Variants in MALRD1 observed in about 807,000 individuals in gnomAD.
MALRD1 encodes MAM and LDL-receptor class A domain-containing protein 1.
A neutral mutation model predicts 242.1 loss-of-function variants in MALRD1; 247 were observed. The observed-to-expected ratio is 1.02, with a 90% CI of 0.92 to 1.13. MALRD1 has a LOEUF of 1.13. MALRD1 is among the 50% of genes most tolerant of loss of function. The pLI, the probability that MALRD1 is intolerant of heterozygous loss-of-function variation, is 0.00. For synonymous variants in MALRD1, 995 were observed against 866.6 expected (o/e 1.15, Z -2.60); for missense variants, 2,989 against 2,533.1 (o/e 1.18, Z -3.86).
At chr10:19,157,567 T>G (rs897731528) in intron 12 of MALRD1, among the ~76,000 whole-genome samples, 2 of 152,092 alleles carry the variant, frequency 1.3e-5, no homozygotes, top group African/African-American at 2.4e-5. Context: ...TACATAAAAG[T>G]TACAGAATAA....
intron 16 of MALRD1, among the ~76,000 whole-genome samples, 160 bp downstream of exon 16, chr10:19,204,573 G>T (rs993699122): frequency 6.6e-6 from 1 of 152,010 alleles, no homozygotes; most frequent in Admixed American, 6.6e-5. Context: ...TTTTACCTAG[G>T]AGCGTGTTCT....
chr10:19,692,479 T>A lies in MALRD1; in HGVS notation c.6239T>A (p.Ile2080Asn). Reference sequence around the variant, plus strand: ...CCAGATACATGGACTCTCCTGGGTATTGGATTAGCATTCCTGATGACTCAC... The same window carrying A: ...CCAGATACATGGACTCTCCTGGGTAATGGATTAGCATTCCTGATGACTCAC... ...AQNNTWTLLG[I>N]GLAFLMTHIT... Residue 2080 changes from isoleucine (I) to asparagine (N), a missense_variant, in exon 38 of 40, where the codon ATT becomes AAT. Ile to Asn is a moderately radical substitution (Grantham distance 149). Coordinates refer to ENST00000454679, the MANE Select transcript of MALRD1 (RefSeq NM_001142308.3). 1 of 1,535,940 alleles carries A rather than the reference T, an allele frequency of 6.5e-7. No individual in the cohort carries two copies. The highest frequency in any genetic ancestry group is 8.7e-7 in the Non-Finnish European group (1 of 1,146,576).
chr10:19,467,230 C>T (rs1836259494), intron 29 of MALRD1, among the ~76,000 whole-genome samples: 1 of 48,812 alleles, frequency 2.0e-5, no homozygotes, highest in African/African-American at 5.8e-5. Context: ...TGGTGGGCGC[C>T]TGTAGTCTCA....
intron 2 of MALRD1, among the ~76,000 whole-genome samples, chr10:19,074,528 G>C (rs907251002): frequency 2.0e-5 from 3 of 151,960 alleles, no homozygotes; most frequent in African/African-American, 7.2e-5. Context: ...TAATATATTT[G>C]TTCTATTTTT....
chr10:19,716,189 A>T (rs1011762048), intron 38 of MALRD1, among the ~76,000 whole-genome samples: 31 of 152,336 alleles, frequency 2.0e-4, no homozygotes, highest in African/African-American at 7.2e-4. Flanking sequence ...TCACACAGAT[A>T]CGTATTTTTT....
At chr10:19,434,765 A>G (rs966820052) in intron 28 of MALRD1, among the ~76,000 whole-genome samples, 1 of 151,988 alleles carries the variant, frequency 6.6e-6, no homozygotes, top group Non-Finnish European at 1.5e-5. Flanking sequence ...CTGGGTCTTC[A>G]TGGCAGTGAT....
At chr10:19,480,761 T>A (rs1000745039) in intron 29 of MALRD1, among the ~76,000 whole-genome samples, 10 of 152,024 alleles carry the variant, frequency 6.6e-5, no homozygotes, top group Non-Finnish European at 1.5e-5. Flanking sequence ...CAGTTCTGAG[T>A]TTTTGTTCTT....
At chr10:19,681,662 G>T (rs1174515142) in intron 36 of MALRD1, among the ~76,000 whole-genome samples, 2 of 152,080 alleles carry the variant, frequency 1.3e-5, no homozygotes, top group African/African-American at 4.8e-5. Context: ...ACTTCTGTCA[G>T]TTCATCCATC....
At chr10:19,366,510 G>T (rs540710200) in intron 26 of MALRD1, among the ~76,000 whole-genome samples, 31 of 152,214 alleles carry the variant, frequency 2.0e-4, no homozygotes, top group African/African-American at 7.2e-4. Flanking sequence ...CCAGTCTGTG[G>T]CCCAGGGTTT....
chr10:19,246,459 G>T (rs1839050753), intron 18 of MALRD1, among the ~76,000 whole-genome samples: 1 of 152,114 alleles, frequency 6.6e-6, no homozygotes, highest in African/African-American at 2.4e-5. Flanking sequence ...GCTGTAAAAT[G>T]CCTGGGCATG....
At chr10:19,688,388 T>A (rs889886791) in intron 36 of MALRD1, among the ~76,000 whole-genome samples, 9 of 152,072 alleles carry the variant, frequency 5.9e-5, no homozygotes, top group African/African-American at 2.2e-4. Context: ...TTAGTCTCCT[T>A]GGTAATTAGG....
chr10:19,519,113 ATACT>A (rs1453065325), intron 31 of MALRD1, among the ~76,000 whole-genome samples: 4 of 151,538 alleles, frequency 2.6e-5, no homozygotes, highest in Non-Finnish European at 4.4e-5. Context: ...AAAAATGTAT[ATACT>A]TGTTCTAATT....
At chr10:19,559,435 G>A (rs1835866446) in intron 32 of MALRD1, among the ~76,000 whole-genome samples, 1 of 151,924 alleles carries the variant, frequency 6.6e-6, no homozygotes, top group Non-Finnish European at 1.5e-5. Context: ...TCTAAGCACT[G>A]CTTCACTTCA....
chr10:19,360,188 C>A (rs1214847957), intron 26 of MALRD1, among the ~76,000 whole-genome samples: 5 of 151,964 alleles, frequency 3.3e-5, no homozygotes, highest in Non-Finnish European at 7.4e-5. Flanking sequence ...AGGGGGTATA[C>A]TTTGTTTAAA....
Position 19,491,619 on chromosome 10 carries a change from CT to C in MALRD1, c.5133del (p.Asp1712IlefsTer54). ...CTTTGTGACTATAAGCCAGACTGCTCTGATAGGTCTGATGAAGCTCACTGTG... is the reference window on the plus strand; with the variant it reads ...CTTTGTGACTATAAGCCAGACTGCTCGATAGGTCTGATGAAGCTCACTGTG... ...HLLCDYKPDC[S>X]DRSDEAHCAH... On this transcript the variant is annotated frameshift_variant, in exon 30 of 40. Transcript: ENST00000454679. LOFTEE classifies it high-confidence loss of function. The C allele has an allele frequency of 6.5e-7, 1 of 1,549,770 alleles. No homozygotes were observed. Among genetic ancestry groups the C allele is most frequent in the Non-Finnish European group, 8.7e-7 (1 of 1,146,748 alleles).
chr10:19,224,885 TG>T (rs1837724949), intron 18 of MALRD1, among the ~76,000 whole-genome samples: 1 of 152,194 alleles, frequency 6.6e-6, no homozygotes, highest in African/African-American at 2.4e-5. Flanking sequence ...CCACTGCTTT[TG>T]GTGTTTTAGT....
intron 34 of MALRD1, among the ~76,000 whole-genome samples, chr10:19,597,156 A>C (rs1838138445): frequency 6.6e-6 from 1 of 152,176 alleles, no homozygotes; most frequent in Non-Finnish European, 1.5e-5. Flanking sequence ...AGGTCTTCTA[A>C]TCTTTTCTTA....
intron 32 of MALRD1, among the ~76,000 whole-genome samples, chr10:19,561,170 C>T (rs1564441704): frequency 6.6e-6 from 1 of 151,940 alleles, no homozygotes; most frequent in Non-Finnish European, 1.5e-5. Context: ...AGTTTAATTC[C>T]ATTGTGTTCT....
intron 36 of MALRD1, among the ~76,000 whole-genome samples, chr10:19,672,428 T>TA (rs2131766217): frequency 6.7e-6 from 1 of 150,284 alleles, no homozygotes; most frequent in African/African-American, 2.5e-5. Flanking sequence ...TTTTTTTTTT[T>TA]TGTATTTTGT....
Sources: gnomAD v4.1 joint callset for allele counts (sites outside exome capture counted in the v4.1 genomes callset) on GRCh38, gnomAD v4.1.1 for gene constraint, MANE v1.5 for transcripts, NCBI Gene and HGNC (gene_info 2026-07-23, HGNC 2026-07-21) for gene names.